Variants in HTR7 observed in about 807,000 individuals in gnomAD.
HTR7 encodes 5-hydroxytryptamine receptor 7.
Under a neutral mutation model 34.0 loss-of-function variants are expected in HTR7, and 16 were observed. The observed-to-expected ratio is 0.47, with a 90% CI of 0.32 to 0.71. The LOEUF (loss-of-function observed/expected upper bound fraction) is 0.71, where lower values mean the gene tolerates loss of function less well. Ranked by LOEUF, HTR7 falls within the 30% of genes least tolerant of loss-of-function variation. The probability of loss-of-function intolerance (pLI) is 0.04; values close to 1 mark genes in which losing one functional copy is unlikely to be tolerated. For synonymous variants in HTR7, 265 were observed against 260.2 expected (o/e 1.02, Z -0.18); for missense variants, 504 against 625.5 (o/e 0.81, Z 2.07).
At chr10:90,757,418 T>G (rs552356399) in intron 1 of HTR7, among the ~76,000 whole-genome samples, 1 of 152,316 alleles carries the variant, frequency 6.6e-6, no homozygotes, top group South Asian at 2.1e-4. Flanking sequence ...CAGGGGAGTA[T>G]GCCAACTTCC....
intron 2 of HTR7, among the ~76,000 whole-genome samples, chr10:90,748,506 A>C (rs536095886): frequency 6.6e-6 from 1 of 152,366 alleles, no homozygotes; most frequent in Non-Finnish European, 1.5e-5. Flanking sequence ...AACAACTAAA[A>C]TAATAATGTT....
intron 1 of HTR7, among the ~76,000 whole-genome samples, chr10:90,759,197 A>C (rs1390537728): frequency 3.5e-5 from 5 of 142,878 alleles, no homozygotes; most frequent in African/African-American, 1.3e-4. Context: ...CAAAAAAAAA[A>C]AAAAAAAAGT....
chr10:90,851,604 C>CAA (rs34310653), intron 1 of HTR7, among the ~76,000 whole-genome samples: 3,730 of 66,646 alleles, frequency 0.056, 12 homozygotes, highest in East Asian at 0.083. Context: ...GACTCCGTCC[C>CAA]AAAAAAAAAA....
intron 1 of HTR7, among the ~76,000 whole-genome samples, chr10:90,840,307 G>A (rs568773639): frequency 7.6e-4 from 116 of 151,836 alleles, no homozygotes; most frequent in African/African-American, 2.5e-3. Flanking sequence ...AATTGTCATC[G>A]TAACCCAAAA....
At chr10:90,819,237 A>C (rs1221555697) in intron 1 of HTR7, among the ~76,000 whole-genome samples, 2 of 152,198 alleles carry the variant, frequency 1.3e-5, no homozygotes, top group East Asian at 3.8e-4. Flanking sequence ...ATTCACTCAA[A>C]ATAAATGACC....
intron 1 of HTR7, among the ~76,000 whole-genome samples, chr10:90,758,102 C>T (rs1844864822): frequency 6.6e-6 from 1 of 152,018 alleles, no homozygotes; most frequent in Non-Finnish European, 1.5e-5. Flanking sequence ...AATCCCAGTA[C>T]TTTGGGAGGC....
intron 1 of HTR7, among the ~76,000 whole-genome samples, chr10:90,848,227 T>C (rs1318623403): frequency 6.6e-6 from 1 of 152,124 alleles, no homozygotes; most frequent in Non-Finnish European, 1.5e-5. Context: ...CATACCCAGC[T>C]AATTTTGTAT....
intron 1 of HTR7, among the ~76,000 whole-genome samples, chr10:90,784,793 CAATGTGT>C (rs1474170341): frequency 6.6e-6 from 1 of 152,202 alleles, no homozygotes; most frequent in Non-Finnish European, 1.5e-5. Context: ...TGATCCAGAA[CAATGTGT>C]AATAGCTGAC....
At chr10:90,779,752 T>C (rs910301543) in intron 1 of HTR7, among the ~76,000 whole-genome samples, 2 of 152,212 alleles carry the variant, frequency 1.3e-5, no homozygotes, top group African/African-American at 4.8e-5. Context: ...TTGCATAACC[T>C]TGATGAACCA....
In HTR7 at chr10:90,783,176, A is replaced by G. The variant is rs138644639; in HGVS notation, c.540-33582T>C. Among the ~76,000 whole-genome samples the G allele has an allele frequency of 6.5e-3, 990 of 152,064 alleles. 12 individuals are homozygous for G. The highest frequency in any genetic ancestry group is 0.023 in the African/African-American group (938 of 41,458). On this transcript the variant is annotated intron_variant, in intron 1 of 3. Transcript: ENST00000336152. ...CAGTTTGAAGTGTTTTTATTTCTCT[A>G]TTTTTTTCTGGACCTCAGGAGAAGG...
At chr10:90,854,036 C>T (rs1279484689) in intron 1 of HTR7, among the ~76,000 whole-genome samples, 1 of 152,182 alleles carries the variant, frequency 6.6e-6, no homozygotes, top group Non-Finnish European at 1.5e-5. Flanking sequence ...AGATAGAAAA[C>T]CAAACTTGAC....
chr10:90,851,604 CAAAAAAAAAAA>C (rs34310653), intron 1 of HTR7, among the ~76,000 whole-genome samples: 4 of 69,206 alleles, frequency 5.8e-5, no homozygotes, highest in South Asian at 7.0e-4. Flanking sequence ...GACTCCGTCC[CAAAAAAAAAAA>C]AAAAAAAAAA....
intron 1 of HTR7, among the ~76,000 whole-genome samples, chr10:90,831,551 A>C (rs1403830218): frequency 1.3e-5 from 2 of 152,102 alleles, no homozygotes; most frequent in Non-Finnish European, 2.9e-5. Flanking sequence ...ATTGCTTCCA[A>C]ACTGTGGAAA....
At chr10:90,751,453 G>T (rs1844732798) in intron 1 of HTR7, among the ~76,000 whole-genome samples, 1 of 152,002 alleles carries the variant, frequency 6.6e-6, no homozygotes, top group Non-Finnish European at 1.5e-5. Flanking sequence ...GTCTTTCTTT[G>T]TCTACAGCCC....
rs1347450344 is a variant in HTR7, at chr10:90,825,335, A to G, written c.539+31798T>C. ...GCGGCAGTGACCAAAAACTTAGATC[A>G]CAACATCCAAGTCCCTTCAAATACC... On this transcript the variant is annotated intron_variant, in intron 1 of 3. Coordinates refer to ENST00000336152, the MANE Select transcript of HTR7 (RefSeq NM_019859.4). Among the ~76,000 whole-genome samples, 5 of 152,320 alleles carry G rather than the reference A, an allele frequency of 3.3e-5. No individual in the cohort carries two copies. The East Asian group carries it at 9.6e-4, about 29-fold the overall frequency.
At chr10:90,844,659 G>C (rs556710374) in intron 1 of HTR7, among the ~76,000 whole-genome samples, 1 of 141,376 alleles carries the variant, frequency 7.1e-6, no homozygotes, top group Non-Finnish European at 1.5e-5. Flanking sequence ...CCCGGGAGGC[G>C]TAGCTTGCAG....
chr10:90,743,414 G>T (rs554843844), intron 3 of HTR7, among the ~76,000 whole-genome samples, 179 bp downstream of exon 3: 1 of 152,292 alleles, frequency 6.6e-6, no homozygotes, highest in African/African-American at 2.4e-5. Context: ...ATCTGAAGAG[G>T]GGACTGGCAA....
Position 90,810,255 on chromosome 10 carries a change from C to T in HTR7, c.539+46878G>A, listed in dbSNP as rs527468594. 2.9e-4 allele frequency among the ~76,000 whole-genome samples: 44 copies of T among 152,250 alleles called. 1 individual carries two copies. The highest frequency in any genetic ancestry group is 9.4e-4 in the African/African-American group (39 of 41,552). On this transcript the variant is annotated intron_variant, in intron 1 of 3. Coordinates refer to ENST00000336152, the MANE Select transcript of HTR7 (RefSeq NM_019859.4). The stretch of plus-strand genomic sequence containing the variant: ...GGGCTACAGCCACATCTCATTGCCA[C>T]CTTTTCCCCCACTTCAAAGCCTCCT...
At chr10:90,823,660 G>T (rs1159735266) in intron 1 of HTR7, among the ~76,000 whole-genome samples, 1 of 152,124 alleles carries the variant, frequency 6.6e-6, no homozygotes, top group African/African-American at 2.4e-5. Context: ...ATTTGGAAGG[G>T]GCCAGGAGCA....
Sources: allele counts gnomAD v4.1 joint callset (sites outside exome capture counted in the v4.1 genomes callset), GRCh38; gene constraint gnomAD v4.1.1; transcripts MANE v1.5; gene names NCBI Gene and HGNC (gene_info 2026-07-23, HGNC 2026-07-21).